Variants in SASH1 observed in about 807,000 individuals in gnomAD.
The protein encoded by SASH1 is SAM and SH3 domain containing 1, also known as SAM and SH3 domain-containing protein 1.
A neutral mutation model predicts 125.2 loss-of-function variants in SASH1; 44 were observed. That is an observed-to-expected ratio of 0.35 (90% CI 0.28 to 0.45). The LOEUF (loss-of-function observed/expected upper bound fraction) is 0.45, where lower values mean the gene tolerates loss of function less well. Ranked by LOEUF, SASH1 falls within the 20% of genes least tolerant of loss-of-function variation. SASH1 has a pLI of 1.00. For missense variants in SASH1, 1,426 were observed against 1,614.5 expected (o/e 0.88, Z 2.00); for synonymous variants, 639 against 649.1 (o/e 0.98, Z 0.24).
At chr6:148,302,040 G>A (rs1397876802) in intron 1 of SASH1, among the ~76,000 whole-genome samples, 2 of 151,602 alleles carry the variant, frequency 1.3e-5, no homozygotes, top group African/African-American at 2.4e-5. Flanking sequence ...AATAGGCCGG[G>A]CGTGGCGGCT....
chr6:148,302,314 A>C (rs1347328166), intron 1 of SASH1, among the ~76,000 whole-genome samples: 2 of 71,042 alleles, frequency 2.8e-5, no homozygotes, highest in Non-Finnish European at 6.0e-5. Context: ...TCCGTCTCAA[A>C]AAAAAAAAAA....
intron 6 of SASH1, 71 bp from the exon 7 acceptor site, chr6:148,474,039 A>G (rs1778230810): frequency 3.3e-6 from 3 of 912,690 alleles, no homozygotes; most frequent in Non-Finnish European, 5.3e-6. Context: ...GAGACAGCAG[A>G]TGTTCCGCAT....
intron 1 of SASH1, among the ~76,000 whole-genome samples, chr6:148,385,479 G>A (rs994976316): frequency 6.6e-6 from 1 of 152,160 alleles, no homozygotes; most frequent in African/African-American, 2.4e-5. Context: ...CCTCCAAAGT[G>A]ATAAGTGTAT....
chr6:148,468,285 G>A (rs1456459937), intron 4 of SASH1, among the ~76,000 whole-genome samples: 10 of 152,196 alleles, frequency 6.6e-5, no homozygotes, highest in South Asian at 2.1e-4. Context: ...TTCAGTGATC[G>A]TCTAGTGAAG....
At chr6:148,196,914 A>G in the SASH1 span, among the ~76,000 whole-genome samples, 1 of 133,760 alleles carries the variant, frequency 7.5e-6, no homozygotes, top group Non-Finnish European at 1.6e-5. Flanking sequence ...GAAGGAGATG[A>G]TGGTGTCGAG....
intron 4 of SASH1, among the ~76,000 whole-genome samples, chr6:148,451,141 C>T (rs182598673): frequency 6.6e-6 from 1 of 152,318 alleles, no homozygotes; most frequent in Admixed American, 6.5e-5. Context: ...TGATTTTCTT[C>T]AGTGTCCAGA....
the SASH1 span, among the ~76,000 whole-genome samples, chr6:148,236,586 A>T: frequency 6.6e-6 from 1 of 152,198 alleles, no homozygotes; most frequent in African/African-American, 2.4e-5. Flanking sequence ...GTTCGTAAGG[A>T]TGGGTTGCAG....
At chr6:148,396,011 T>C (rs1783932010) in intron 2 of SASH1, among the ~76,000 whole-genome samples, 2 of 152,140 alleles carry the variant, frequency 1.3e-5, no homozygotes, top group South Asian at 4.1e-4. Context: ...CAGCACTCTG[T>C]TGATGATGAC....
chr6:148,230,089 G>A, the SASH1 span, among the ~76,000 whole-genome samples: 10 of 152,000 alleles, frequency 6.6e-5, no homozygotes, highest in African/African-American at 2.2e-4. Context: ...CAGCCCCTAA[G>A]CAACCACTAA....
intron 2 of SASH1, among the ~76,000 whole-genome samples, chr6:148,392,384 A>T (rs964828059): frequency 1.3e-5 from 2 of 152,146 alleles, no homozygotes; most frequent in Non-Finnish European, 2.9e-5. Flanking sequence ...GTGAGCACAC[A>T]CACAAAAATA....
At chr6:148,350,044 A>G (rs1259357846) in intron 1 of SASH1, among the ~76,000 whole-genome samples, 1 of 151,766 alleles carries the variant, frequency 6.6e-6, no homozygotes, top group Non-Finnish European at 1.5e-5. Context: ...ATGGGGTTTC[A>G]CCGTGTTAGC....
the SASH1 span, among the ~76,000 whole-genome samples, chr6:148,226,870 C>G: frequency 6.6e-6 from 1 of 152,142 alleles, no homozygotes; most frequent in African/African-American, 2.4e-5. Context: ...GGTTATATGT[C>G]TCTGCCTACA....
chr6:148,471,494 A>G lies in SASH1; in HGVS notation c.505A>G (p.Thr169Ala). 1.3e-6 allele frequency: 2 copies of G among 1,585,920 alleles called. No individual in the cohort carries two copies. The highest frequency in any genetic ancestry group is 1.7e-6 in the Non-Finnish European group (2 of 1,162,720). Residue 169 changes from threonine to alanine, a missense_variant, in exon 6 of 20, where the codon ACT becomes GCT. Transcript: ENST00000367467. ...GAACCAGAAAGGAATAATGAGACAG[A>G]CTTCAAAAGGTACTGCAATGCAGCT... is the stretch of plus-strand genomic sequence containing the variant. ...RKNQKGIMRQTSKGEDVGYVA... is the reference protein window; with the variant it reads ...RKNQKGIMRQASKGEDVGYVA...
At chr6:148,244,635 T>C in the SASH1 span, among the ~76,000 whole-genome samples, 1 of 152,028 alleles carries the variant, frequency 6.6e-6, no homozygotes, top group Admixed American at 6.5e-5. Context: ...TTAAAGAGGG[T>C]GCAGCAGTTT....
At chr6:148,193,881 T>G in the SASH1 span, among the ~76,000 whole-genome samples, 1 of 152,216 alleles carries the variant, frequency 6.6e-6, no homozygotes, top group East Asian at 1.9e-4. Context: ...GCTTTATGAC[T>G]TTGTGGAAGC....
intron 2 of SASH1, among the ~76,000 whole-genome samples, chr6:148,430,248 TGATC>T: frequency 6.6e-6 from 1 of 152,360 alleles, no homozygotes; most frequent in Middle Eastern, 3.4e-3. Flanking sequence ...AGAGGGTTTA[TGATC>T]AGGCTATTTG....
intron 1 of SASH1, among the ~76,000 whole-genome samples, chr6:148,277,777 C>G (rs549208252): frequency 2.0e-5 from 3 of 151,688 alleles, no homozygotes; most frequent in Non-Finnish European, 2.9e-5. Context: ...AGTACAGTGG[C>G]GTGATCTCAG....
At chr6:148,446,088 CTTTTTTTTTTT>C (rs576798745) in intron 4 of SASH1, among the ~76,000 whole-genome samples, 36 of 70,996 alleles carry the variant, frequency 5.1e-4, no homozygotes, top group African/African-American at 1.2e-3. Flanking sequence ...ACATAGGGTT[CTTTTTTTTTTT>C]TTTTTTTTTT....
chr6:148,309,269 G>A (rs1288660336), intron 1 of SASH1, among the ~76,000 whole-genome samples: 1 of 152,094 alleles, frequency 6.6e-6, no homozygotes, highest in African/African-American at 2.4e-5. Context: ...GACTTTGCAA[G>A]ACTTTCTGCC....
Sources: gnomAD v4.1 joint callset for allele counts (sites outside exome capture counted in the v4.1 genomes callset) on GRCh38, gnomAD v4.1.1 for gene constraint, MANE v1.5 for transcripts, NCBI Gene and HGNC (gene_info 2026-07-23, HGNC 2026-07-21) for gene names.